The following MECOM variants were observed in gnomAD, a reference collection of about 807,000 sequenced individuals.
MECOM encodes the protein histone-lysine N-methyltransferase MECOM.
In MECOM, 13 loss-of-function variants were observed where a neutral mutation model predicts 116.3. The ratio of observed to expected loss-of-function variants is 0.11; its 90% CI spans 0.07 to 0.18. MECOM has a LOEUF of 0.18. Ranked by LOEUF, MECOM falls within the 10% of genes least tolerant of loss-of-function variation. The pLI, the probability that MECOM is intolerant of heterozygous loss-of-function variation, is 1.00. For missense variants in MECOM, 1,299 were observed against 1,509.0 expected (o/e 0.86, Z 2.31); for synonymous variants, 528 against 535.2 (o/e 0.99, Z 0.19).
At chr3:169,118,226 A>G (rs1560195873) in intron 7 of MECOM, among the ~76,000 whole-genome samples, 1 of 152,172 alleles carries the variant, frequency 6.6e-6, no homozygotes. Context: ...TCTTTCTTTT[A>G]CTACTAAAGG....
At chr3:169,385,247 G>A (rs1004526817) in intron 1 of MECOM, among the ~76,000 whole-genome samples, 1 of 152,134 alleles carries the variant, frequency 6.6e-6, no homozygotes. Context: ...TTCCTGTGGA[G>A]ACAAAATACA....
At chr3:169,175,557 C>A (rs1454574134) in intron 2 of MECOM, among the ~76,000 whole-genome samples, 1 of 152,160 alleles carries the variant, frequency 6.6e-6, no homozygotes, top group East Asian at 1.9e-4. Context: ...CCAAAAGAAT[C>A]TGAAACACTC....
At chr3:169,447,778 G>A (rs917733970) in intron 1 of MECOM, 18 of 152,164 alleles carry the variant, frequency 1.2e-4, no homozygotes, top group South Asian at 6.2e-4. Flanking sequence ...AATACATCTC[G>A]AACAAGGATT....
intron 3 of MECOM, among the ~76,000 whole-genome samples, chr3:169,132,601 T>TGGTGAAAAA: frequency 6.6e-6 from 1 of 152,154 alleles, no homozygotes; most frequent in Non-Finnish European, 1.5e-5. Context: ...AATTATATTA[T>TGGTGAAAAA]ACCACAGTAT....
chr3:169,433,631 AAG>A lies in MECOM; in HGVS notation c.38-52109_38-52108del, dbSNP rs200555246. ...GAGGGAGGGAAGGAGAAAAGAAAGA[AAG>A]AGAAAGAGAAAGAAAGAAAGAAAGA... On this transcript the variant is annotated intron_variant, in intron 1 of 16. Transcript: ENST00000651503. 2.4e-3 allele frequency among the ~76,000 whole-genome samples: 340 copies of A among 139,062 alleles called. 5 individuals carry two copies. The highest frequency in any genetic ancestry group is 8.6e-3 in the African/African-American group (318 of 36,802). The allele number at this position is 139,062 out of a possible 152,430, so 91.2% of individuals were successfully genotyped here.
chr3:169,284,492 C>A (rs867249787), intron 2 of MECOM, among the ~76,000 whole-genome samples: 1 of 151,732 alleles, frequency 6.6e-6, no homozygotes, highest in Non-Finnish European at 1.5e-5. Context: ...AATAATTAGG[C>A]CTCTCTCACA....
chr3:169,104,825 T>C (rs918372167), intron 10 of MECOM, among the ~76,000 whole-genome samples: 5 of 152,192 alleles, frequency 3.3e-5, no homozygotes, highest in African/African-American at 1.2e-4. Context: ...CTAGCTCCTT[T>C]TGAAGAAAGA....
intron 2 of MECOM, chr3:169,149,408 T>C (rs1740762249): frequency 6.0e-6 from 1 of 167,448 alleles, no homozygotes; most frequent in African/African-American, 2.4e-5. Flanking sequence ...CCGAGTTTTT[T>C]CCCCTATATT....
chr3:169,574,307 C>T (rs938153039), intron 1 of MECOM, among the ~76,000 whole-genome samples: 1 of 152,072 alleles, frequency 6.6e-6, no homozygotes, highest in Non-Finnish European at 1.5e-5. Context: ...AGAGATTTAT[C>T]TTATTTTCCA....
intron 1 of MECOM, among the ~76,000 whole-genome samples, chr3:169,448,501 T>A (rs1188748828): frequency 6.6e-6 from 1 of 152,142 alleles, no homozygotes; most frequent in Non-Finnish European, 1.5e-5. Flanking sequence ...TTTAATTCAG[T>A]GTACATCTAA....
At chr3:169,185,226 A>T (rs1359533338) in intron 2 of MECOM, among the ~76,000 whole-genome samples, 1 of 152,178 alleles carries the variant, frequency 6.6e-6, no homozygotes, top group Non-Finnish European at 1.5e-5. Context: ...GGACAGGAAG[A>T]TGAAGGTGCT....
At chr3:169,172,407 A>ATGTGAGTGTGTG (rs1553758528) in intron 2 of MECOM, among the ~76,000 whole-genome samples, 5 of 144,374 alleles carry the variant, frequency 3.5e-5, no homozygotes, top group African/African-American at 1.0e-4. Context: ...GTACCCTTGT[A>ATGTGAGTGTGTG]TGTGTGTGTG....
intron 2 of MECOM, among the ~76,000 whole-genome samples, chr3:169,326,351 C>G (rs17680048): frequency 0.063 from 9,611 of 152,202 alleles, 333 homozygotes; most frequent in African/African-American, 0.081. Flanking sequence ...ATTAATTTCA[C>G]ATGTAAAAAC....
chr3:169,176,635 A>T (rs1180190317), intron 2 of MECOM, among the ~76,000 whole-genome samples: 1 of 152,192 alleles, frequency 6.6e-6, no homozygotes, highest in East Asian at 1.9e-4. Flanking sequence ...ATTAAACTAA[A>T]GAGCTTCTGC....
intron 1 of MECOM, among the ~76,000 whole-genome samples, chr3:169,411,740 C>T (rs915631104): frequency 4.6e-5 from 7 of 152,318 alleles, no homozygotes; most frequent in South Asian, 2.1e-4. Flanking sequence ...CCTGTAATCC[C>T]GGCACTTTGG....
chr3:169,568,838 G>A (rs562644693), intron 1 of MECOM, among the ~76,000 whole-genome samples: 86 of 152,274 alleles, frequency 5.6e-4, no homozygotes, highest in Admixed American at 3.8e-3. Context: ...AGCGCCTGAA[G>A]AAAGCACTAA....
Position 169,381,501 on chromosome 3 carries a change from A to G in MECOM, c.61T>C (p.Tyr21His), listed in dbSNP as rs779455664. Residue 21 changes from tyrosine (Y) to histidine (H), a missense_variant, in exon 2 of 17, where the codon TAC becomes CAC. Physicochemically the swap from Tyr to His is moderately conservative, Grantham distance 83. Around this residue, in one of 6 missense-constraint regions of MECOM, gnomAD observed 374 missense variants for 433.4 expected, o/e 0.86. Transcript: ENST00000651503. ...ATNNECVYGN[Y>H]PEIPLEEMPD... ...ATTTCTTCCAAAGGTATTTCAGGGT[A>G]GTTGCCATATACACACTCATTATCT... The G allele has an allele frequency of 1.2e-6, 2 of 1,610,926 alleles. No homozygotes were observed. Among genetic ancestry groups the G allele is most frequent in the Non-Finnish European group, 1.7e-6 (2 of 1,178,328 alleles).
chr3:169,134,943 G>T (rs753525980), intron 3 of MECOM, among the ~76,000 whole-genome samples: 7 of 152,060 alleles, frequency 4.6e-5, no homozygotes, highest in African/African-American at 1.7e-4. Flanking sequence ...ATACTTTTAT[G>T]TTATAAAATA....
intron 2 of MECOM, chr3:169,146,221 C>A: frequency 9.0e-7 from 1 of 1,112,662 alleles, no homozygotes; most frequent in South Asian, 3.1e-5. Context: ...AAAAAAAATC[C>A]CCACAATCTA....
Sources: gnomAD v4.1 joint callset for allele counts (sites outside exome capture counted in the v4.1 genomes callset) on GRCh38, gnomAD v4.1.1 for gene constraint, gnomAD v4.1.1 regional missense constraint, MANE v1.5 for transcripts, NCBI Gene and HGNC (gene_info 2026-07-23, HGNC 2026-07-21) for gene names.